Variants in ADAMTSL3 observed in about 807,000 individuals in gnomAD.
ADAMTSL3 encodes ADAMTS-like protein 3.
Under a neutral mutation model 201.7 loss-of-function variants are expected in ADAMTSL3, and 128 were observed. The ratio of observed to expected loss-of-function variants is 0.63; its 90% CI spans 0.55 to 0.73. The LOEUF (loss-of-function observed/expected upper bound fraction) is 0.73, where lower values mean the gene tolerates loss of function less well. ADAMTSL3 is among the 30% of genes least tolerant of loss of function. ADAMTSL3 has a pLI of 0.00. For synonymous variants in ADAMTSL3, 738 were observed against 748.4 expected (o/e 0.99, Z 0.23); for missense variants, 1,990 against 2,119.6 (o/e 0.94, Z 1.20).
intron 3 of ADAMTSL3, among the ~76,000 whole-genome samples, chr15:83,718,707 A>T (rs1043907837): frequency 6.6e-6 from 1 of 151,934 alleles, no homozygotes; most frequent in African/African-American, 2.4e-5. Flanking sequence ...AAAAAAAAAA[A>T]ATTGGGACAA....
In ADAMTSL3 at chr15:83,942,641, T is replaced by G. The variant is rs1288331873; in HGVS notation, c.2163T>G (p.Val721=). The stretch of plus-strand genomic sequence containing the variant: ...GGCCCTGCTCAGCTACCTGTGGAGT[T>G]GGAATTCAGACCCGAGATGTGTACT... ...SWGPCSATCG[V]GIQTRDVYCL... is the part of the protein sequence containing the mutation. The change falls in exon 18 of 30, where the codon GTT becomes GTG. Residue 721 remains valine, a synonymous_variant. Coordinates refer to ENST00000286744, the MANE Select transcript of ADAMTSL3 (RefSeq NM_207517.3). The G allele has an allele frequency of 6.8e-6, 11 of 1,613,882 alleles. No homozygotes were observed. The highest frequency in any genetic ancestry group is 9.3e-6 in the Non-Finnish European group (11 of 1,179,958).
chr15:83,851,042 C>T (rs1022208969), intron 7 of ADAMTSL3, among the ~76,000 whole-genome samples: 3 of 152,162 alleles, frequency 2.0e-5, no homozygotes, highest in Non-Finnish European at 4.4e-5. Context: ...TGGGCTCCAC[C>T]CTAAACTGCT....
chr15:83,823,075 A>G (rs1025536781), intron 6 of ADAMTSL3, among the ~76,000 whole-genome samples: 4 of 151,094 alleles, frequency 2.6e-5, no homozygotes, highest in African/African-American at 9.7e-5. Flanking sequence ...CGCGCCTGCA[A>G]ATTGCAGGCA....
At chr15:83,981,657 G>A (rs750962913) in intron 20 of ADAMTSL3, among the ~76,000 whole-genome samples, 1 of 152,072 alleles carries the variant, frequency 6.6e-6, no homozygotes, top group Non-Finnish European at 1.5e-5. Flanking sequence ...TTTTGATCAC[G>A]GCTACCCATT....
At chr15:83,810,204 A>T (rs1330340703) in intron 5 of ADAMTSL3, among the ~76,000 whole-genome samples, 1 of 152,232 alleles carries the variant, frequency 6.6e-6, no homozygotes, top group Non-Finnish European at 1.5e-5. Context: ...ATTTTGGAGC[A>T]CGATGCAAAT....
intron 3 of ADAMTSL3, among the ~76,000 whole-genome samples, chr15:83,750,553 T>TG (rs1215594058): frequency 8.1e-6 from 1 of 122,834 alleles, no homozygotes; most frequent in East Asian, 2.6e-4. Flanking sequence ...GATTTTTGCA[T>TG]GGGGGAGACT....
intron 26 of ADAMTSL3, among the ~76,000 whole-genome samples, chr15:84,022,159 G>A (rs1222934382): frequency 1.3e-5 from 2 of 151,956 alleles, no homozygotes; most frequent in Non-Finnish European, 2.9e-5. Context: ...CTACATCCTA[G>A]ATGCCCCTCT....
At chr15:83,896,054 G>A (rs1336798621) in intron 13 of ADAMTSL3, among the ~76,000 whole-genome samples, 8 of 152,168 alleles carry the variant, frequency 5.3e-5, no homozygotes, top group Non-Finnish European at 1.2e-4. Flanking sequence ...CCTTAAAGCG[G>A]TGGCTTGGCC....
chr15:83,990,725 G>A (rs1263039625), intron 22 of ADAMTSL3, among the ~76,000 whole-genome samples: 4 of 151,998 alleles, frequency 2.6e-5, no homozygotes, highest in Non-Finnish European at 4.4e-5. Flanking sequence ...TTCCTGCTCT[G>A]CCTGTCTTCT....
At chr15:83,958,140 G>A (rs931608189) in intron 19 of ADAMTSL3, among the ~76,000 whole-genome samples, 10 of 152,182 alleles carry the variant, frequency 6.6e-5, no homozygotes, top group African/African-American at 2.4e-4. Context: ...AGGAGAGACA[G>A]GGCCAAGAGT....
At chr15:83,975,932 A>G (rs749870118) in intron 20 of ADAMTSL3, among the ~76,000 whole-genome samples, 32 of 152,206 alleles carry the variant, frequency 2.1e-4, no homozygotes, top group Non-Finnish European at 3.7e-4. Flanking sequence ...TAAGAGCTAT[A>G]TAGATATATT....
At chr15:83,670,875 A>G (rs183890022) in intron 2 of ADAMTSL3, among the ~76,000 whole-genome samples, 1 of 152,330 alleles carries the variant, frequency 6.6e-6, no homozygotes, top group African/African-American at 2.4e-5. Flanking sequence ...GTGTGCAGAT[A>G]CAACTATAAT....
At chr15:83,689,717 A>G (rs1450047117) in intron 2 of ADAMTSL3, among the ~76,000 whole-genome samples, 2 of 152,070 alleles carry the variant, frequency 1.3e-5, no homozygotes, top group Non-Finnish European at 2.9e-5. Context: ...CTGATATGTG[A>G]TTTTTTTCTT....
chr15:83,766,453 G>A, intron 3 of ADAMTSL3, among the ~76,000 whole-genome samples: 1 of 152,204 alleles, frequency 6.6e-6, no homozygotes, highest in East Asian at 1.9e-4. Flanking sequence ...AAAAGCAGAA[G>A]TGTAGCTCTA....
At chr15:83,739,024 A>G (rs1461108680) in intron 3 of ADAMTSL3, among the ~76,000 whole-genome samples, 1 of 152,146 alleles carries the variant, frequency 6.6e-6, no homozygotes, top group Admixed American at 6.5e-5. Flanking sequence ...ACAAGAAACC[A>G]GACAAAAAAT....
intron 15 of ADAMTSL3, among the ~76,000 whole-genome samples, chr15:83,901,760 G>A (rs1196155003): frequency 2.0e-5 from 3 of 152,156 alleles, no homozygotes; most frequent in Non-Finnish European, 4.4e-5. Flanking sequence ...AATGCTGCTG[G>A]AACCTTCTCA....
chr15:83,914,138 C>T (rs1322437452), intron 16 of ADAMTSL3, among the ~76,000 whole-genome samples: 1 of 152,238 alleles, frequency 6.6e-6, no homozygotes, highest in Non-Finnish European at 1.5e-5. Context: ...CATCCTTTGA[C>T]CCCTGACTGT....
chr15:83,837,705 G>A (rs914644224), intron 6 of ADAMTSL3, among the ~76,000 whole-genome samples: 1 of 151,692 alleles, frequency 6.6e-6, no homozygotes, highest in Non-Finnish European at 1.5e-5. Context: ...GGGAGGCTGA[G>A]GTGGGAGGAT....
chr15:83,860,247 G>T (rs1456182899), intron 8 of ADAMTSL3, among the ~76,000 whole-genome samples: 2 of 152,158 alleles, frequency 1.3e-5, no homozygotes, highest in Non-Finnish European at 2.9e-5. Context: ...AGTAAAGTAA[G>T]ATTTGGGAAT....
Sources: allele counts gnomAD v4.1 joint callset (sites outside exome capture counted in the v4.1 genomes callset), GRCh38; gene constraint gnomAD v4.1.1; transcripts MANE v1.5; gene names NCBI Gene and HGNC (gene_info 2026-07-23, HGNC 2026-07-21).